The following ASAP2 variants were observed in gnomAD, a reference collection of about 807,000 sequenced individuals.
The protein encoded by ASAP2 is ArfGAP with SH3 domain, ankyrin repeat and PH domain 2, also known as arf-GAP with SH3 domain, ANK repeat and PH domain-containing protein 2.
A neutral mutation model predicts 131.4 loss-of-function variants in ASAP2; 45 were observed. The observed-to-expected ratio is 0.34, with a 90% CI of 0.27 to 0.44. The LOEUF (loss-of-function observed/expected upper bound fraction) is 0.44, where lower values mean the gene tolerates loss of function less well. Among genes scored for constraint, ASAP2 ranks in the 20% least tolerant of loss-of-function variants. The pLI, the probability that ASAP2 is intolerant of heterozygous loss-of-function variation, is 1.00. For missense variants in ASAP2, 1,011 were observed against 1,297.0 expected (o/e 0.78, Z 3.39); for synonymous variants, 510 against 503.0 (o/e 1.01, Z -0.19).
intron 1 of ASAP2, among the ~76,000 whole-genome samples, chr2:9,259,382 C>T (rs1348492514): frequency 6.6e-6 from 1 of 152,202 alleles, no homozygotes; most frequent in Non-Finnish European, 1.5e-5. Flanking sequence ...AGGGACCCTG[C>T]CCTTCCTTGC....
At chr2:9,313,623 C>A (rs982659459) in intron 3 of ASAP2, among the ~76,000 whole-genome samples, 2 of 152,238 alleles carry the variant, frequency 1.3e-5, no homozygotes, top group African/African-American at 4.8e-5. Flanking sequence ...TTGCACGTGC[C>A]TTGTTCTAGA....
intron 3 of ASAP2, among the ~76,000 whole-genome samples, chr2:9,314,028 G>C (rs1669485959): frequency 1.3e-5 from 2 of 151,996 alleles, no homozygotes; most frequent in South Asian, 4.2e-4. Flanking sequence ...CTGTTACCTA[G>C]GCTGGAGTGC....
chr2:9,388,611 G>T, intron 22 of ASAP2, 65 bp downstream of exon 22: 2 of 1,555,188 alleles, frequency 1.3e-6, no homozygotes, highest in Non-Finnish European at 1.7e-6. Context: ...TGGGAAGTTT[G>T]CAGCTGCCCT....
At chr2:9,264,190 C>CAAAAAAA (rs113543532) in intron 1 of ASAP2, among the ~76,000 whole-genome samples, 2,927 of 123,332 alleles carry the variant, frequency 0.024, 145 homozygotes, top group African/African-American at 0.082. Flanking sequence ...GACCCTGTCT[C>CAAAAAAA]AAAAAAATAA....
chr2:9,207,028 C>A lies in ASAP2; in HGVS notation c.-77C>A, dbSNP rs1464012716. 2 of 1,161,114 alleles carry A rather than the reference C, an allele frequency of 1.7e-6. No homozygotes were observed. The highest frequency in any genetic ancestry group is 1.6e-5 in the African/African-American group (1 of 61,538). 71.9% of individuals were successfully genotyped at this position (1,161,114 alleles called of 1,614,324 possible). On this transcript the variant is annotated 5_prime_UTR_variant, in exon 1 of 28. Transcript: ENST00000281419. The surrounding 1 kb of genome is among the most constrained non-coding windows in gnomAD (Gnocchi z 4.1). ...GGCGGCGGCAGCGGCGGTGTCCGAG[C>A]GGCGGTCGGAGCCTGCTGCGGCAGT...
intron 27 of ASAP2, among the ~76,000 whole-genome samples, chr2:9,401,672 G>A (rs1178712181): frequency 6.6e-6 from 1 of 152,220 alleles, no homozygotes; most frequent in Non-Finnish European, 1.5e-5. Flanking sequence ...TTCATTTTGA[G>A]GTCTTGAGTT....
Position 9,401,294 on chromosome 2 carries a change from G to A in ASAP2, c.2844G>A (p.Arg948=). ...KSQATKLKPK[R]VKALYNCVAD... is the part of the protein sequence containing the mutation. ...CCCAGACCAAGTTGAAGCCTAAGCG[G>A]GTGAAAGCGCTCTATAACTGTGTGG... Residue 948 remains arginine (R), a synonymous_variant, in exon 27 of 28, where the codon CGG becomes CGA. Coordinates refer to ENST00000281419, the MANE Select transcript of ASAP2 (RefSeq NM_003887.3). 6.2e-7 allele frequency: 1 copy of A among 1,613,552 alleles called. No homozygotes were observed. Among genetic ancestry groups the A allele is most frequent in the Non-Finnish European group, 8.5e-7 (1 of 1,179,944 alleles).
intron 15 of ASAP2, among the ~76,000 whole-genome samples, chr2:9,362,514 T>C (rs1673169938): frequency 6.6e-6 from 1 of 152,212 alleles, no homozygotes; most frequent in Non-Finnish European, 1.5e-5. Flanking sequence ...TCACCTCACA[T>C]GCTTATGTTT....
intron 1 of ASAP2, among the ~76,000 whole-genome samples, chr2:9,225,295 G>C (rs1662680383): frequency 6.6e-6 from 1 of 152,024 alleles, no homozygotes. Flanking sequence ...CTCTGTCCCA[G>C]AGTCTGTCTC....
chr2:9,291,021 A>G (rs1028204183), intron 2 of ASAP2, among the ~76,000 whole-genome samples: 7 of 152,304 alleles, frequency 4.6e-5, no homozygotes, highest in Non-Finnish European at 1.0e-4. Context: ...TTGAGACTAA[A>G]TATCTAATTT....
intron 16 of ASAP2, among the ~76,000 whole-genome samples, chr2:9,372,323 A>G (rs1674044947): frequency 1.3e-5 from 2 of 152,140 alleles, no homozygotes; most frequent in South Asian, 4.1e-4. Flanking sequence ...GAGAACCTGC[A>G]GGAATAAAAT....
intron 12 of ASAP2, among the ~76,000 whole-genome samples, chr2:9,352,453 T>C (rs1043446002): frequency 3.5e-4 from 53 of 152,294 alleles, no homozygotes; most frequent in African/African-American, 1.2e-3. Context: ...GCAATAATAG[T>C]GAACCTATCA....
chr2:9,391,232 G>A, intron 23 of ASAP2, 36 bp downstream of exon 23: 1 of 1,586,278 alleles, frequency 6.3e-7, no homozygotes, highest in Non-Finnish European at 8.6e-7. Flanking sequence ...TTGCCCGTGG[G>A]CTTTGTAGAT....
chr2:9,387,139 G>A (rs934368874), intron 21 of ASAP2, among the ~76,000 whole-genome samples: 9 of 148,782 alleles, frequency 6.0e-5, no homozygotes, highest in African/African-American at 7.7e-5. Flanking sequence ...GCGTAAACCC[G>A]GGAGGCGGAG....
chr2:9,368,230 G>A (rs1211746217), intron 15 of ASAP2, among the ~76,000 whole-genome samples, 195 bp from the exon 16 acceptor site: 1 of 152,178 alleles, frequency 6.6e-6, no homozygotes, highest in Admixed American at 6.5e-5. Flanking sequence ...CTCTGTAATA[G>A]GCATGCCGCT....
At chr2:9,384,112 T>C (rs1675078271) in intron 20 of ASAP2, among the ~76,000 whole-genome samples, 1 of 152,178 alleles carries the variant, frequency 6.6e-6, no homozygotes, top group Non-Finnish European at 1.5e-5. Context: ...TTTGTACGTA[T>C]GTAACAAATC....
At chr2:9,397,170 T>C (rs960777038) in intron 24 of ASAP2, among the ~76,000 whole-genome samples, 7 of 152,192 alleles carry the variant, frequency 4.6e-5, no homozygotes, top group African/African-American at 1.4e-4. Context: ...CCTTCCCTTA[T>C]GACTCCCTGG....
intron 1 of ASAP2, among the ~76,000 whole-genome samples, chr2:9,221,837 C>G (rs1558244855): frequency 3.9e-5 from 6 of 152,208 alleles, no homozygotes. Flanking sequence ...CTCTGTCGCC[C>G]AGGCTGGAGT....
At position 9,356,491 on chromosome 2, in the gene ASAP2, T is replaced by C. The variant is rs1445197786; in HGVS notation, c.1327+146T>C. On this transcript the variant is annotated intron_variant, in intron 14 of 27. Coordinates refer to ENST00000281419, the MANE Select transcript of ASAP2 (RefSeq NM_003887.3). ...TGAGTTCATCCCATTACACAAATGC[T>C]TAATGAACTGTGCAGACCGCGGCAG... 3 of 1,011,128 alleles carry C rather than the reference T, an allele frequency of 3.0e-6. No homozygotes were observed. The African/African-American group carries it at 4.9e-5, about 16-fold the overall frequency. 62.6% of individuals were successfully genotyped at this position (1,011,128 alleles called of 1,614,324 possible).
Sources: gnomAD v4.1 joint callset for allele counts (sites outside exome capture counted in the v4.1 genomes callset) on GRCh38, gnomAD v4.1.1 for gene constraint, Gnocchi (gnomAD v3.1) non-coding constraint, MANE v1.5 for transcripts, NCBI Gene and HGNC (gene_info 2026-07-23, HGNC 2026-07-21) for gene names.